The following TENM3 variants were observed in gnomAD, a reference collection of about 807,000 sequenced individuals.
TENM3 encodes the protein teneurin transmembrane protein 3.
A neutral mutation model predicts 255.1 loss-of-function variants in TENM3; 63 were observed. The ratio of observed to expected loss-of-function variants is 0.25; its 90% CI spans 0.20 to 0.30. The LOEUF (loss-of-function observed/expected upper bound fraction) is 0.30, where lower values mean the gene tolerates loss of function less well. TENM3 is among the 10% of genes least tolerant of loss of function. The pLI, the probability that TENM3 is intolerant of heterozygous loss-of-function variation, is 1.00. For synonymous variants in TENM3, 1,306 were observed against 1,322.3 expected (o/e 0.99, Z 0.27); for missense variants, 2,929 against 3,461.1 (o/e 0.85, Z 3.86).
chr4:182,283,025 G>T (rs570557857), intron 1 of TENM3, among the ~76,000 whole-genome samples: 3 of 151,632 alleles, frequency 2.0e-5, no homozygotes, highest in African/African-American at 7.3e-5. Flanking sequence ...ACAGTCTACC[G>T]ACAATTTCTA....
chr4:182,592,145 T>TA (rs1746719327), intron 3 of TENM3, among the ~76,000 whole-genome samples: 1 of 139,172 alleles, frequency 7.2e-6, no homozygotes, highest in African/African-American at 2.5e-5. Flanking sequence ...TTTTTTTTTT[T>TA]ACATCTGCAA....
At chr4:181,883,805 A>C in the TENM3 span, among the ~76,000 whole-genome samples, 1 of 152,202 alleles carries the variant, frequency 6.6e-6, no homozygotes. Context: ...GAAATAATAA[A>C]CTATAAATAG....
chr4:182,347,975 G>C (rs1764937608), intron 3 of TENM3, among the ~76,000 whole-genome samples: 1 of 152,176 alleles, frequency 6.6e-6, no homozygotes. Context: ...GCTTTGCTTT[G>C]TAATAGGAAA....
chr4:181,476,616 T>A, the TENM3 span, among the ~76,000 whole-genome samples: 1 of 152,134 alleles, frequency 6.6e-6, no homozygotes, highest in Non-Finnish European at 1.5e-5. Flanking sequence ...AAATTATACA[T>A]CCCATTCAAG....
At chr4:182,023,742 G>A in the TENM3 span, among the ~76,000 whole-genome samples, 2 of 152,130 alleles carry the variant, frequency 1.3e-5, no homozygotes, top group Non-Finnish European at 2.9e-5. Context: ...ATACCACAAA[G>A]GAAGTTTAGT....
chr4:181,915,450 A>G, the TENM3 span, among the ~76,000 whole-genome samples: 2 of 152,154 alleles, frequency 1.3e-5, no homozygotes, highest in Non-Finnish European at 2.9e-5. Flanking sequence ...AGGAAAAGAT[A>G]TTTTAATGGA....
chr4:182,588,198 C>G (rs1335593516), intron 3 of TENM3, among the ~76,000 whole-genome samples: 2 of 152,110 alleles, frequency 1.3e-5, no homozygotes, highest in Non-Finnish European at 2.9e-5. Context: ...TCCTGCTCTC[C>G]CCTCAGAAGT....
At chr4:181,758,514 G>T in the TENM3 span, among the ~76,000 whole-genome samples, 4 of 152,136 alleles carry the variant, frequency 2.6e-5, no homozygotes. Flanking sequence ...TAGAAGAATT[G>T]GAAGGACCAA....
intron 3 of TENM3, among the ~76,000 whole-genome samples, chr4:182,450,202 A>G (rs951231110): frequency 2.6e-5 from 4 of 152,322 alleles, no homozygotes; most frequent in Admixed American, 6.5e-5. Context: ...TTTAAAATAA[A>G]CCTTTTGTTC....
chr4:181,794,920 C>T, the TENM3 span, among the ~76,000 whole-genome samples: 1 of 152,252 alleles, frequency 6.6e-6, no homozygotes, highest in East Asian at 1.9e-4. Flanking sequence ...CACTCCAAAT[C>T]CCAGCTGCAT....
the TENM3 span, among the ~76,000 whole-genome samples, chr4:182,107,113 G>A: frequency 0.016 from 2,436 of 151,684 alleles, 66 homozygotes; most frequent in African/African-American, 0.056. Context: ...TTCACTGTGC[G>A]CTGGTTAGTA....
chr4:181,507,421 C>T, the TENM3 span, among the ~76,000 whole-genome samples: 2 of 152,230 alleles, frequency 1.3e-5, no homozygotes, highest in African/African-American at 2.4e-5. Flanking sequence ...CTGCCTTCCT[C>T]TTCAGAATCT....
At chr4:182,238,267 A>G (rs886292819) in intron 1 of TENM3, among the ~76,000 whole-genome samples, 8 of 152,200 alleles carry the variant, frequency 5.3e-5, no homozygotes, top group South Asian at 4.1e-4. Flanking sequence ...TGACTTCCCA[A>G]AAGTTTTCCA....
At chr4:181,448,526 T>C in the TENM3 span, among the ~76,000 whole-genome samples, 1 of 152,052 alleles carries the variant, frequency 6.6e-6, no homozygotes, top group East Asian at 1.9e-4. Context: ...AAATGTAAAA[T>C]AGCTTTGGTT....
intron 3 of TENM3, among the ~76,000 whole-genome samples, chr4:182,516,313 A>G (rs1463283572): frequency 6.6e-6 from 1 of 152,228 alleles, no homozygotes; most frequent in East Asian, 1.9e-4. Context: ...ATGAGTGTCG[A>G]AATCCTTTAA....
intron 3 of TENM3, among the ~76,000 whole-genome samples, chr4:182,378,667 CA>C (rs1338811273): frequency 2.6e-5 from 4 of 152,244 alleles, no homozygotes; most frequent in African/African-American, 9.6e-5. Context: ...AGGACAGTGG[CA>C]TAACTCATGA....
chr4:181,493,330 C>G, the TENM3 span, among the ~76,000 whole-genome samples: 1 of 148,862 alleles, frequency 6.7e-6, no homozygotes, highest in Non-Finnish European at 1.5e-5. Context: ...TAGATGAAGT[C>G]TGCAAATGTA....
At chr4:182,762,946 G>GA (rs1763329836) in intron 22 of TENM3, among the ~76,000 whole-genome samples, 1 of 152,006 alleles carries the variant, frequency 6.6e-6, no homozygotes, top group African/African-American at 2.4e-5. Flanking sequence ...AGATTTCCTA[G>GA]ACTTCAAGTT....
chr4:181,609,104 A>G, the TENM3 span, among the ~76,000 whole-genome samples: 960 of 146,152 alleles, frequency 6.6e-3, 11 homozygotes, highest in African/African-American at 0.022. Flanking sequence ...AAGTAAGGGG[A>G]AAAAAAGGAG....
Sources: gnomAD v4.1 joint callset for allele counts (sites outside exome capture counted in the v4.1 genomes callset) on GRCh38, gnomAD v4.1.1 for gene constraint, MANE v1.5 for transcripts, NCBI Gene and HGNC (gene_info 2026-07-23, HGNC 2026-07-21) for gene names.